NPAT: variants seen among roughly 807,000 people sequenced by gnomAD.
The protein encoded by NPAT is protein NPAT.
NPAT carries 52 observed loss-of-function variants against 130.7 expected under a neutral mutation model. The ratio of observed to expected loss-of-function variants is 0.40; its 90% CI spans 0.32 to 0.50. The LOEUF (loss-of-function observed/expected upper bound fraction) is 0.50. Ranked by LOEUF, NPAT falls within the 20% of genes least tolerant of loss-of-function variation. NPAT has a pLI of 0.68. For missense variants in NPAT, 1,687 were observed against 1,662.6 expected (o/e 1.01, Z -0.26); for synonymous variants, 580 against 584.8 (o/e 0.99, Z 0.12).
chr11:108,219,076 C>T (rs1033786608), intron 1 of NPAT, among the ~76,000 whole-genome samples: 36 of 152,148 alleles, frequency 2.4e-4, no homozygotes, highest in African/African-American at 7.7e-4. Context: ...ACCCTTCTGT[C>T]GCTCTCTACT....
chr11:108,171,951 CAT>C (rs2077955382), intron 13 of NPAT: 1 of 500,582 alleles, frequency 2.0e-6, no homozygotes, highest in Non-Finnish European at 3.6e-6. Context: ...CTTACTAGCA[CAT>C]AGATTGAGAA....
chr11:108,202,441 T>C (rs531000010), intron 1 of NPAT, among the ~76,000 whole-genome samples: 6 of 152,052 alleles, frequency 3.9e-5, no homozygotes, highest in Non-Finnish European at 7.4e-5. Flanking sequence ...CCTGTGGAAA[T>C]AGAATGGGCC....
chr11:108,207,379 GC>G (rs1010207281), intron 1 of NPAT, among the ~76,000 whole-genome samples: 1 of 152,234 alleles, frequency 6.6e-6, no homozygotes, highest in Non-Finnish European at 1.5e-5. Flanking sequence ...CCAGGGGCCT[GC>G]CCCTTTCCAC....
chr11:108,158,511 A>T lies in NPAT; in HGVS notation c.*431T>A. The stretch of plus-strand genomic sequence containing the variant: ...TAAATGTCTTATTGAATAGTTACTG[A>T]AGGTAATTTATAAGAATAAGCATCA... On this transcript the variant is annotated 3_prime_UTR_variant, in exon 18 of 18. Coordinates refer to ENST00000278612, the MANE Select transcript of NPAT (RefSeq NM_002519.3). 1 of 160,642 alleles carries T rather than the reference A, an allele frequency of 6.2e-6. No individual in the cohort carries two copies. Among genetic ancestry groups the T allele is most frequent in the Non-Finnish European group, 1.4e-5 (1 of 73,188 alleles). The allele number at this position is 160,642 out of a possible 1,614,324, so 10.0% of individuals were successfully genotyped here. A position where few individuals can be genotyped will look rare whatever the true frequency, so the allele number is the denominator to read the frequency against.
chr11:108,199,972 A>C (rs1244592993), intron 1 of NPAT, among the ~76,000 whole-genome samples: 2 of 152,172 alleles, frequency 1.3e-5, no homozygotes, highest in Non-Finnish European at 2.9e-5. Context: ...AATATTATTG[A>C]GTGGAATGAG....
chr11:108,210,184 C>G (rs1340071751), intron 1 of NPAT, among the ~76,000 whole-genome samples: 2 of 151,380 alleles, frequency 1.3e-5, no homozygotes, highest in Admixed American at 1.3e-4. Context: ...ACAGTATGAA[C>G]AGTTGTTATC....
In NPAT at chr11:108,189,339, T is replaced by C. The variant is rs778022910; in HGVS notation, c.332-9A>G. 2 of 1,613,604 alleles carry C rather than the reference T, an allele frequency of 1.2e-6. No homozygotes were observed. Among genetic ancestry groups the C allele is most frequent in the Non-Finnish European group, 1.7e-6 (2 of 1,179,660 alleles). Reference sequence around the variant, plus strand: ...TCCAGTTCTCGTTCGGGCTGAAACATATAAGCATTTAAAAAACAAATTCAA... The same window carrying C: ...TCCAGTTCTCGTTCGGGCTGAAACACATAAGCATTTAAAAAACAAATTCAA... On this transcript the variant is annotated splice_polypyrimidine_tract_variant and intron_variant, in intron 5 of 17. Coordinates refer to ENST00000278612, the MANE Select transcript of NPAT (RefSeq NM_002519.3).
In NPAT at chr11:108,218,364, TAA is replaced by T. The variant is rs370378059; in HGVS notation, c.37+4134_37+4135del. ...CTTCCTACTTGTAGAGAGGGAAAGA[TAA>T]AAAGAGAGGTTTAAAGCAAGCAAGA... is the stretch of plus-strand genomic sequence containing the variant. On this transcript the variant is annotated intron_variant, in intron 1 of 17. Coordinates refer to ENST00000278612, the MANE Select transcript of NPAT (RefSeq NM_002519.3). Among the ~76,000 whole-genome samples, 923 of 152,238 alleles carry T rather than the reference TAA, an allele frequency of 6.1e-3. 6 individuals are homozygous for T. Among genetic ancestry groups the T allele is most frequent in the East Asian group, 0.01 (53 of 5,188 alleles).
chr11:108,197,357 A>G lies in NPAT; in HGVS notation c.101T>C (p.Leu34Ser). ...CQTFILESSD[L>S]KEYAEHCTDE... ...TGTACAATGTTCTGCATATTCTTTT[A>G]AATCTGAACTTTCCAAAATAAAAGT... is the stretch of plus-strand genomic sequence containing the variant. Residue 34 changes from leucine to serine, a missense_variant, in exon 2 of 18, where the codon TTA becomes TCA. This residue lies in a region of NPAT where 307 missense variants were observed against 298.9 expected (regional missense o/e 1.03). Coordinates refer to ENST00000278612, the MANE Select transcript of NPAT (RefSeq NM_002519.3). The G allele has an allele frequency of 6.2e-7, 1 of 1,613,558 alleles. No homozygotes were observed. Among genetic ancestry groups the G allele is most frequent in the Non-Finnish European group, 8.5e-7 (1 of 1,179,524 alleles).
At chr11:108,174,821 G>GT in intron 12 of NPAT, among the ~76,000 whole-genome samples, 1 of 151,968 alleles carries the variant, frequency 6.6e-6, no homozygotes, top group Non-Finnish European at 1.5e-5. Flanking sequence ...GTTTCACCGT[G>GT]TTGGCTAGGC....
intron 1 of NPAT, among the ~76,000 whole-genome samples, chr11:108,204,467 A>G (rs1252276394): frequency 6.6e-6 from 1 of 152,202 alleles, no homozygotes; most frequent in East Asian, 1.9e-4. Context: ...CTGTTGCTCA[A>G]TAAAAATCCT....
At chr11:108,200,699 C>T (rs1243869329) in intron 1 of NPAT, among the ~76,000 whole-genome samples, 1 of 152,104 alleles carries the variant, frequency 6.6e-6, no homozygotes, top group Non-Finnish European at 1.5e-5. Flanking sequence ...CTGCAACAGC[C>T]CTTGTAATAC....
rs1281168836 is a variant in NPAT at position 108,161,475 on chromosome 11, A to T, written c.3611T>A (p.Leu1204Gln). ...GLRSEKSIAS[L>Q]QEMTKKQGTS... ...GCCTTGTTTTTTGGTCATTTCTTGCAGTGAAGCTATAGATTTCTCACTTCG... is the reference window on the plus strand; with the variant it reads ...GCCTTGTTTTTTGGTCATTTCTTGCTGTGAAGCTATAGATTTCTCACTTCG... Residue 1204 changes from leucine to glutamine, a missense_variant, in exon 17 of 18, where the codon CTG (leucine) becomes CAG (glutamine). This residue lies in a region of NPAT where 1,379 missense variants were observed against 1,346.6 expected (regional missense o/e 1.02). Coordinates refer to ENST00000278612, the MANE Select transcript of NPAT (RefSeq NM_002519.3). 1 of 1,614,208 alleles carries T rather than the reference A, an allele frequency of 6.2e-7. No homozygotes were observed. The highest frequency in any genetic ancestry group is 1.1e-5 in the South Asian group (1 of 91,084).
At chr11:108,215,181 A>G (rs1322305722) in intron 1 of NPAT, among the ~76,000 whole-genome samples, 1 of 152,148 alleles carries the variant, frequency 6.6e-6, no homozygotes, top group Non-Finnish European at 1.5e-5. Flanking sequence ...CCTATTCCCT[A>G]CTATTAAATA....
chr11:108,174,097 G>C (rs1258194426), intron 12 of NPAT, among the ~76,000 whole-genome samples: 1 of 152,118 alleles, frequency 6.6e-6, no homozygotes, highest in Non-Finnish European at 1.5e-5. Flanking sequence ...ATGATACAAA[G>C]AAGGAAAAAG....
rs199839501 is a variant in NPAT, at chr11:108,172,254, T to C, written c.2730A>G (p.Pro910=). Residue 910 remains proline (P), a synonymous_variant, in exon 13 of 18, where the codon CCA becomes CCG. Coordinates refer to ENST00000278612, the MANE Select transcript of NPAT (RefSeq NM_002519.3). ...TGACAGCAAATACACTGTTTGACCT[T>C]GGTGGTGTCTGTAACTGAGGTGGTA... ...QPLPPQLQTP[P]RSNSVFAVNQ... 2.4e-4 allele frequency: 386 copies of C among 1,613,916 alleles called. No individual in the cohort carries two copies. Among genetic ancestry groups the C allele is most frequent in the Non-Finnish European group, 3.1e-4 (366 of 1,179,732 alleles).
At chr11:108,187,726 C>T (rs2078121396) in intron 7 of NPAT, among the ~76,000 whole-genome samples, 1 of 148,330 alleles carries the variant, frequency 6.7e-6, no homozygotes, top group African/African-American at 2.6e-5. Context: ...GGAAAAATTC[C>T]ATCAATTGAT....
chr11:108,160,522 T>G (rs1195667316), intron 17 of NPAT, among the ~76,000 whole-genome samples: 1 of 152,112 alleles, frequency 6.6e-6, no homozygotes, highest in Non-Finnish European at 1.5e-5. Context: ...TATGTCACGC[T>G]CATGAAAAAA....
chr11:108,195,692 G>T (rs939131622), intron 2 of NPAT, among the ~76,000 whole-genome samples: 2 of 152,060 alleles, frequency 1.3e-5, no homozygotes, highest in African/African-American at 2.4e-5. Context: ...CAGCCGTGCA[G>T]TTGTGGCTCA....
Sources: allele counts gnomAD v4.1 joint callset (sites outside exome capture counted in the v4.1 genomes callset), GRCh38; gene constraint gnomAD v4.1.1; regional missense constraint gnomAD v4.1.1; transcripts MANE v1.5; gene names NCBI Gene and HGNC (gene_info 2026-07-23, HGNC 2026-07-21).